ZNF512B: variants seen among roughly 807,000 people sequenced by gnomAD.
ZNF512B encodes zinc finger protein 512B.
Under a neutral mutation model 87.8 loss-of-function variants are expected in ZNF512B, and 22 were observed. The ratio of observed to expected loss-of-function variants is 0.25; its 90% confidence interval spans 0.18 to 0.36. The LOEUF is 0.36. ZNF512B is among the 10% of genes least tolerant of loss of function. ZNF512B has a pLI of 1.00. For synonymous variants in ZNF512B, 524 were observed against 490.9 expected (o/e 1.07, Z -0.89); for missense variants, 1,060 against 1,231.6 (o/e 0.86, Z 2.09).
At chr20:63,962,441 C>T (rs748804188) in intron 13 of ZNF512B, 67 bp from the exon 14 acceptor site, 20 of 1,561,056 alleles carry the variant, frequency 1.3e-5, no homozygotes, top group South Asian at 3.5e-5. Context: ...TAAGAACACT[C>T]GCCTCGGCAG....
intron 8 of ZNF512B, 76 bp downstream of exon 8, chr20:63,963,995 C>G (rs2058890224): frequency 2.5e-6 from 4 of 1,595,488 alleles, no homozygotes; most frequent in Non-Finnish European, 3.4e-6. Context: ...AGTCTCCACA[C>G]TCAGCCCCCA....
Position 63,966,521 on chromosome 20 carries a change from G to T in ZNF512B, c.654C>A (p.Val218=). The change falls in exon 5 of 17, where the codon GTC becomes GTA. Residue 218 remains valine (V), a synonymous_variant. Coordinates refer to ENST00000369888, the MANE Select transcript of ZNF512B (RefSeq NM_020713.3). ...CCTTGGTGACTGGCATGGGTCTGCC[G>T]ACCGAGACTGGCTTGCTGATGCCAA... is the stretch of plus-strand genomic sequence containing the variant. ...KPIGISKPVS[V]GRPMPVTKAI... 1.2e-6 allele frequency: 2 copies of T among 1,614,080 alleles called. No individual in the cohort carries two copies. Among genetic ancestry groups the T allele is most frequent in the South Asian group, 2.2e-5 (2 of 91,080 alleles).
chr20:63,967,679 T>C, intron 2 of ZNF512B, 151 bp downstream of exon 2: 3 of 1,475,602 alleles, frequency 2.0e-6, no homozygotes, highest in South Asian at 1.3e-5. Context: ...CCCTGGGCTA[T>C]GTCCAAGGCA....
rs13041845 is a variant in ZNF512B at position 63,963,717 on chromosome 20, A to G, written c.1606-7T>C. On this transcript the variant is annotated splice_polypyrimidine_tract_variant and splice_region_variant and intron_variant, in intron 9 of 16. Transcript: ENST00000369888. ...ACTTGAGTGCATCCTGAAGCTGCAG[A>G]TGGCCCACATGTGAGAAGCCTGCCT... 2 of 1,613,244 alleles carry G rather than the reference A, an allele frequency of 1.2e-6. No homozygotes were observed. The highest frequency in any genetic ancestry group is 2.7e-5 in the African/African-American group (2 of 75,030).
Position 63,963,344 on chromosome 20 carries a change from C to T in ZNF512B, c.1795G>A (p.Glu599Lys), listed in dbSNP as rs1430055204. ...CACTGCCGCGGCCCCCCACTGACCT[C>T]CTGGGGGCAGCGCAGCCGTCCCATC... ...KQMGRLRCPQ[E>K]GCGAAFSSLM... The change falls in exon 11 of 17, where the codon GAG becomes AAG. Residue 599 changes from glutamate to lysine, a missense_variant and splice_region_variant. Transcript: ENST00000369888. 1 of 1,541,354 alleles carries T rather than the reference C, an allele frequency of 6.5e-7. No individual in the cohort carries two copies. Among genetic ancestry groups the T allele is most frequent in the Admixed American group, 1.9e-5 (1 of 51,420 alleles).
At chr20:63,962,205 A>T in intron 14 of ZNF512B, 68 bp downstream of exon 14, 1 of 1,498,394 alleles carries the variant, frequency 6.7e-7, no homozygotes, top group Non-Finnish European at 9.0e-7. Flanking sequence ...GTTCCTGCTC[A>T]GAGGGCCACA....
At chr20:63,968,342 C>G (rs1190312258) in intron 1 of ZNF512B, among the ~76,000 whole-genome samples, 1 of 152,166 alleles carries the variant, frequency 6.6e-6, no homozygotes. Flanking sequence ...GGGGTGTGCC[C>G]CTGGGAGAGG....
chr20:63,963,039 G>T lies in ZNF512B; in HGVS notation c.1968+56C>A. On this transcript the variant is annotated intron_variant, in intron 12 of 16. Transcript: ENST00000369888. ...ATACAGTTGGCACCCAAGGCACACGGAACACACACGGCACACAGGAACAAG... is the reference window on the plus strand; with the variant it reads ...ATACAGTTGGCACCCAAGGCACACGTAACACACACGGCACACAGGAACAAG... The T allele has an allele frequency of 5.4e-6, 8 of 1,481,418 alleles. No homozygotes were observed. In the South Asian group the frequency reaches 1.1e-4, roughly 20 times the overall value. 91.8% of individuals were successfully genotyped at this position (1,481,418 alleles called of 1,614,324 possible). A position where few individuals can be genotyped will look rare whatever the true frequency, so the allele number is the denominator to read the frequency against.
intron 14 of ZNF512B, 103 bp downstream of exon 14, chr20:63,962,170 C>A: frequency 7.3e-7 from 1 of 1,364,074 alleles, no homozygotes. Flanking sequence ...TGGGCTTGGG[C>A]ACCTCCTGAA....
At chr20:63,962,245 C>A (rs148758675) in intron 14 of ZNF512B, 28 bp downstream of exon 14, 6 of 1,579,874 alleles carry the variant, frequency 3.8e-6, no homozygotes, top group African/African-American at 2.7e-5. Context: ...TGGCTCCCCA[C>A]GCCCCCCACC....
chr20:63,966,219 G>T lies in ZNF512B; in HGVS notation c.956C>A (p.Pro319Gln). The T allele has an allele frequency of 6.2e-7, 1 of 1,613,982 alleles. No individual in the cohort carries two copies. The highest frequency in any genetic ancestry group is 8.5e-7 in the Non-Finnish European group (1 of 1,180,054). The part of the protein sequence containing the change: ...SRPIAISRHT[P>Q]PCKMVLLTRS... ...GGTCAGCAGCACCATTTTGCAGGGC[G>T]GTGTGTGTCTGCTGATAGCAATGGG... Residue 319 changes from proline to glutamine, a missense_variant, in exon 5 of 17, where the codon CCG (proline) becomes CAG (glutamine). Pro to Gln is a moderately conservative substitution (Grantham distance 76). Transcript: ENST00000369888.
chr20:63,969,712 G>T, intron 1 of ZNF512B, 102 bp downstream of exon 1: 1 of 143,676 alleles, frequency 7.0e-6, no homozygotes, highest in South Asian at 1.9e-4. Context: ...GGGGGCTCCG[G>T]GCCCGGCCCC....
rs749657253 is a variant in ZNF512B, at chr20:63,967,919, C to T, written c.32G>A (p.Arg11Gln). ...ACCACTCTTGCTGGACCCCGGGAGCCGACGGCCTCCAACGCAGAAAGGATC... is the reference window on the plus strand; with the variant it reads ...ACCACTCTTGCTGGACCCCGGGAGCTGACGGCCTCCAACGCAGAAAGGATC... Reference protein sequence around the residue: MTDPFCVGGRRLPGSSKSGPG... With the variant: MTDPFCVGGRQLPGSSKSGPG... Residue 11 changes from arginine (R) to glutamine (Q), a missense_variant, in exon 2 of 17, where the codon CGG becomes CAG. By Grantham distance (43) the Arg-to-Gln change is conservative (BLOSUM62 1). Around this residue, in one of 9 missense-constraint regions of ZNF512B, gnomAD observed 134 missense variants for 153.6 expected, o/e 0.87. Transcript: ENST00000369888. 39 of 1,612,320 alleles carry T rather than the reference C, an allele frequency of 2.4e-5. No homozygotes were observed. Among genetic ancestry groups the T allele is most frequent in the Middle Eastern group, 1.6e-4 (1 of 6,078 alleles).
At chr20:63,962,094 T>A (rs2058859067) in intron 14 of ZNF512B, 90 bp from the exon 15 acceptor site, 1 of 1,452,028 alleles carries the variant, frequency 6.9e-7, no homozygotes, top group Non-Finnish European at 9.4e-7. Flanking sequence ...TCTCTGAGGC[T>A]CTTTGGGGCA....
chr20:63,968,406 T>A (rs2058949371), intron 1 of ZNF512B, among the ~76,000 whole-genome samples: 1 of 152,130 alleles, frequency 6.6e-6, no homozygotes, highest in African/African-American at 2.4e-5. Context: ...GCCAATTATG[T>A]CTCTGATGAT....
intron 1 of ZNF512B, 76 bp downstream of exon 1, chr20:63,969,738 G>T (rs1240984012): frequency 1.4e-5 from 2 of 143,818 alleles, no homozygotes; most frequent in Non-Finnish European, 3.1e-5. Context: ...TGGCCTGCGC[G>T]CAGGGTCGAG....
chr20:63,966,284 GCTGA>G lies in ZNF512B; in HGVS notation c.887_890del (p.Val296AlafsTer10). 1 of 1,612,664 alleles carries G rather than the reference GCTGA, an allele frequency of 6.2e-7. No individual in the cohort carries two copies. The highest frequency in any genetic ancestry group is 8.5e-7 in the Non-Finnish European group (1 of 1,179,254). On this transcript the variant is annotated frameshift_variant, in exon 5 of 17. Coordinates refer to ENST00000369888, the MANE Select transcript of ZNF512B (RefSeq NM_020713.3). LOFTEE classifies it high-confidence loss of function. ...CCGGCTTGCTGACCACAATGGGCCT[GCTGA>G]CTGTCACTGGCTTGGTGACCGGCAC...
At chr20:63,962,524 G>A in intron 13 of ZNF512B, 63 bp downstream of exon 13, 1 of 1,565,176 alleles carries the variant, frequency 6.4e-7, no homozygotes. Context: ...CCAAGTCTCA[G>A]GCCAAGGCAT....
At position 63,962,784 on chromosome 20, in the gene ZNF512B, G is replaced by A. The variant is rs1216565183; in HGVS notation, c.1969-3C>T. 1.3e-6 allele frequency: 2 copies of A among 1,591,556 alleles called. No individual in the cohort carries two copies. The highest frequency in any genetic ancestry group is 1.7e-6 in the Non-Finnish European group (2 of 1,168,394). ...TTGTCTGTGGGCTCCTCAGGGGGCT[G>A]GAGGGCAGGAAGGCATGGAGGCTAG... On this transcript the variant is annotated splice_region_variant and splice_polypyrimidine_tract_variant and intron_variant, in intron 12 of 16. Transcript: ENST00000369888.
Sources: gnomAD v4.1 joint callset for allele counts (sites outside exome capture counted in the v4.1 genomes callset) on GRCh38, gnomAD v4.1.1 for gene constraint, gnomAD v4.1.1 regional missense constraint, MANE v1.5 for transcripts, NCBI Gene and HGNC (gene_info 2026-07-23, HGNC 2026-07-21) for gene names.